GPHN: variants seen among roughly 807,000 people sequenced by gnomAD.
GPHN encodes the protein gephyrin.
A neutral mutation model predicts 95.5 loss-of-function variants in GPHN; 17 were observed. That is an observed-to-expected ratio of 0.18 (90% confidence interval 0.12 to 0.27). GPHN has a LOEUF of 0.27. Among genes scored for constraint, GPHN ranks in the 10% least tolerant of loss-of-function variants. The pLI is 1.00. For synonymous variants in GPHN, 320 were observed against 322.5 expected, an observed-to-expected ratio of 0.99 and a Z score of 0.08; for missense variants, 660 against 978.1, an observed-to-expected ratio of 0.67 and a Z score of 4.34.
intron 1 of GPHN, among the ~76,000 whole-genome samples, chr14:66,613,052 A>C (rs951311440): frequency 6.6e-6 from 1 of 151,786 alleles, no homozygotes; most frequent in Admixed American, 6.6e-5. Flanking sequence ...CTTGTTATTC[A>C]CTCTAGTTAT....
chr14:66,630,647 A>G (rs2153338847), intron 1 of GPHN, among the ~76,000 whole-genome samples: 1 of 151,750 alleles, frequency 6.6e-6, no homozygotes, highest in Non-Finnish European at 1.5e-5. Flanking sequence ...AATTTTTTGT[A>G]TTTTTTAGTG....
At chr14:67,272,221 G>T in the GPHN span, among the ~76,000 whole-genome samples, 310 of 152,162 alleles carry the variant, frequency 2.0e-3, no homozygotes, top group African/African-American at 7.0e-3. Flanking sequence ...TTCATAGGAT[G>T]GACCCAATCA....
the GPHN span, chr14:67,674,716 G>A: frequency 2.3e-6 from 1 of 437,024 alleles, no homozygotes; most frequent in Non-Finnish European, 4.1e-6. Context: ...ACGAGAAGTC[G>A]GGAGACTGCG....
At chr14:66,831,820 T>A (rs2061592156) in intron 4 of GPHN, among the ~76,000 whole-genome samples, 3 of 152,186 alleles carry the variant, frequency 2.0e-5, no homozygotes, top group African/African-American at 7.2e-5. Context: ...AAATAACTCT[T>A]TTAAGCATAT....
At chr14:66,685,745 A>G (rs2067311164) in intron 2 of GPHN, among the ~76,000 whole-genome samples, 1 of 152,048 alleles carries the variant, frequency 6.6e-6, no homozygotes, top group Non-Finnish European at 1.5e-5. Flanking sequence ...GAAGCTCTTT[A>G]GTTTAATTAG....
the GPHN span, among the ~76,000 whole-genome samples, chr14:67,391,561 A>G: frequency 6.6e-6 from 1 of 152,196 alleles, no homozygotes; most frequent in Non-Finnish European, 1.5e-5. Context: ...CAGCAACAGC[A>G]CATGCTCCGA....
chr14:66,882,611 ATAG>A (rs2063982960), intron 5 of GPHN, among the ~76,000 whole-genome samples: 1 of 151,710 alleles, frequency 6.6e-6, no homozygotes, highest in African/African-American at 2.4e-5. Flanking sequence ...AAAGATGTTA[ATAG>A]TACCAAATTT....
At chr14:67,535,503 C>T in the GPHN span, among the ~76,000 whole-genome samples, 9 of 151,186 alleles carry the variant, frequency 6.0e-5, no homozygotes, top group South Asian at 6.3e-4. Flanking sequence ...GCCTTAGCCT[C>T]CCAAGTGGCT....
At chr14:66,762,903 G>A (rs557603744) in intron 2 of GPHN, among the ~76,000 whole-genome samples, 1 of 152,028 alleles carries the variant, frequency 6.6e-6, no homozygotes, top group Non-Finnish European at 1.5e-5. Context: ...CTAATCAAAG[G>A]CTTTTAGGAA....
At chr14:66,643,501 G>T (rs923405867) in intron 1 of GPHN, among the ~76,000 whole-genome samples, 1 of 152,014 alleles carries the variant, frequency 6.6e-6, no homozygotes, top group Non-Finnish European at 1.5e-5. Flanking sequence ...TAGTAGAATG[G>T]ATAACTAAAT....
At chr14:67,421,540 A>G in the GPHN span, among the ~76,000 whole-genome samples, 1 of 152,168 alleles carries the variant, frequency 6.6e-6, no homozygotes, top group Non-Finnish European at 1.5e-5. Flanking sequence ...CAATGGACAA[A>G]AAGAAAAAGT....
At chr14:66,570,531 C>T (rs942896632) in intron 1 of GPHN, among the ~76,000 whole-genome samples, 1 of 152,028 alleles carries the variant, frequency 6.6e-6, no homozygotes, top group Non-Finnish European at 1.5e-5. Context: ...GTCTTGAACT[C>T]CTGATCTCAG....
intron 8 of GPHN, among the ~76,000 whole-genome samples, chr14:66,957,364 T>A (rs2068592962): frequency 1.3e-5 from 2 of 151,664 alleles, no homozygotes; most frequent in Admixed American, 1.3e-4. Context: ...CCCAGTTAAT[T>A]TTTGTATTTT....
At chr14:67,023,697 G>A in intron 10 of GPHN, 22 bp downstream of exon 10, 2 of 1,597,838 alleles carry the variant, frequency 1.3e-6, no homozygotes. Flanking sequence ...ACCATTTCTG[G>A]TGGGCTGCTG....
chr14:66,546,331 C>T (rs1398812578), intron 1 of GPHN, among the ~76,000 whole-genome samples: 5 of 151,716 alleles, frequency 3.3e-5, no homozygotes, highest in Admixed American at 6.6e-5. Flanking sequence ...AGATGATGGG[C>T]GGCCAGGCAG....
At chr14:66,529,544 G>C (rs1051187114) in intron 1 of GPHN, among the ~76,000 whole-genome samples, 4 of 152,072 alleles carry the variant, frequency 2.6e-5, no homozygotes, top group African/African-American at 4.8e-5. Flanking sequence ...GAGAAGAGAC[G>C]TTCTGGTTTT....
chr14:67,492,528 A>T, the GPHN span, among the ~76,000 whole-genome samples: 7 of 152,200 alleles, frequency 4.6e-5, no homozygotes, highest in Admixed American at 3.3e-4. Flanking sequence ...CCATGTCCTT[A>T]GGGTGTCCTG....
the GPHN span, among the ~76,000 whole-genome samples, chr14:67,310,155 T>C: frequency 6.6e-6 from 1 of 152,280 alleles, no homozygotes; most frequent in East Asian, 1.9e-4. Flanking sequence ...ATCTTTTTGC[T>C]CAATCTCTTA....
At chr14:67,285,195 G>T in the GPHN span, among the ~76,000 whole-genome samples, 1 of 152,114 alleles carries the variant, frequency 6.6e-6, no homozygotes, top group Non-Finnish European at 1.5e-5. Context: ...AAGTTGGTTG[G>T]ACTTGAAATT....
Sources: allele counts gnomAD v4.1 joint callset (sites outside exome capture counted in the v4.1 genomes callset), GRCh38; gene constraint gnomAD v4.1.1; transcripts MANE v1.5; gene names NCBI Gene and HGNC (gene_info 2026-07-23, HGNC 2026-07-21).